The following SNX29 variants were observed in gnomAD, a reference collection of about 807,000 sequenced individuals.
The protein encoded by SNX29 is sorting nexin 29, also known as sorting nexin-29.
SNX29 carries 78 observed loss-of-function variants against 102.1 expected under a neutral mutation model. The observed-to-expected ratio is 0.76, with a 90% CI of 0.64 to 0.92. SNX29 has a LOEUF of 0.92. Ranked by LOEUF, SNX29 falls within the 40% of genes least tolerant of loss-of-function variation. The pLI, the probability that SNX29 is intolerant of heterozygous loss-of-function variation, is 0.00. For synonymous variants in SNX29, 580 were observed against 414.5 expected, an observed-to-expected ratio of 1.40 and a Z score of -4.85; for missense variants, 1,280 against 1,061.7, an observed-to-expected ratio of 1.21 and a Z score of -2.86.
chr16:12,505,268 T>A (rs920143184), intron 19 of SNX29, among the ~76,000 whole-genome samples: 12 of 152,290 alleles, frequency 7.9e-5, no homozygotes, highest in African/African-American at 2.6e-4. Flanking sequence ...ACAAACTGGG[T>A]GGTTTACAAA....
intron 14 of SNX29, among the ~76,000 whole-genome samples, chr16:12,209,837 C>T (rs1005473655): frequency 6.6e-6 from 1 of 152,218 alleles, no homozygotes; most frequent in African/African-American, 2.4e-5. Flanking sequence ...CTTTAGGACA[C>T]TGGCCCTCTG....
chr16:12,280,730 T>G (rs944458867), intron 15 of SNX29, among the ~76,000 whole-genome samples: 1 of 152,236 alleles, frequency 6.6e-6, no homozygotes, highest in African/African-American at 2.4e-5. Context: ...CCAATACTTT[T>G]GCTGTTAATC....
In SNX29 at chr16:12,110,242, T is replaced by G. The variant is rs150305436; in HGVS notation, c.1403-16391T>G. Among the ~76,000 whole-genome samples, 203 of 152,244 alleles carry G rather than the reference T, an allele frequency of 1.3e-3. 4 individuals are homozygous for G. The East Asian group carries it at 0.033, about 25-fold the overall frequency. ...TGGAGATACTTTCCCCTGAAGCTCCTGAGGCAGGAGAGAGGTGGAAGCATC... is the reference window on the plus strand; with the variant it reads ...TGGAGATACTTTCCCCTGAAGCTCCGGAGGCAGGAGAGAGGTGGAAGCATC... On this transcript the variant is annotated intron_variant, in intron 11 of 20. Coordinates refer to ENST00000566228, the MANE Select transcript of SNX29 (RefSeq NM_032167.5).
intron 8 of SNX29, among the ~76,000 whole-genome samples, chr16:12,058,537 A>G (rs1196297717): frequency 2.6e-5 from 3 of 116,964 alleles, no homozygotes; most frequent in African/African-American, 3.4e-5. Flanking sequence ...TCTGTCACCC[A>G]GGCTGGAGTG....
At chr16:12,269,865 T>C (rs961010485) in intron 14 of SNX29, among the ~76,000 whole-genome samples, 133 of 151,554 alleles carry the variant, frequency 8.8e-4, no homozygotes, top group African/African-American at 2.5e-3. Context: ...TCATCATTAT[T>C]ATTATTATTA....
At chr16:12,498,994 T>A (rs2088970543) in intron 19 of SNX29, among the ~76,000 whole-genome samples, 1 of 152,170 alleles carries the variant, frequency 6.6e-6, no homozygotes, top group East Asian at 1.9e-4. Context: ...GACAGCTGCA[T>A]AAATCTTTTT....
intron 20 of SNX29, among the ~76,000 whole-genome samples, chr16:12,533,117 C>T (rs749262337): frequency 1.3e-5 from 2 of 152,246 alleles, no homozygotes; most frequent in African/African-American, 2.4e-5. Flanking sequence ...TTCAACTCGA[C>T]AGCTCTGCTT....
intron 14 of SNX29, among the ~76,000 whole-genome samples, chr16:12,240,114 A>ATG (rs2078057412): frequency 6.6e-6 from 1 of 152,200 alleles, no homozygotes; most frequent in Admixed American, 6.5e-5. Context: ...CGGCCGCATG[A>ATG]TGTCTCTGTT....
chr16:12,055,993 T>C (rs56325311), intron 8 of SNX29, among the ~76,000 whole-genome samples: 60,145 of 152,004 alleles, frequency 0.4, 12,506 homozygotes, highest in Middle Eastern at 0.51. Flanking sequence ...GCGATTCTCC[T>C]GCCTCAGCCT....
In SNX29 at chr16:12,573,775, G is replaced by A. The variant is rs375762095; in HGVS notation, c.*5146G>A. On this transcript the variant is annotated 3_prime_UTR_variant, in exon 21 of 21. Transcript: ENST00000566228. ...CTACTAAACGCTCAGTGACCCCAGA[G>A]ACCATTAATTTCCCGGAGTGAAGGG... The A allele has an allele frequency of 9.0e-6, 2 of 222,742 alleles. No homozygotes were observed. Among genetic ancestry groups the A allele is most frequent in the African/African-American group, 2.2e-5 (1 of 44,706 alleles). The allele number at this position is 222,742 out of a possible 1,614,324, so 13.8% of individuals were successfully genotyped here.
intron 4 of SNX29, among the ~76,000 whole-genome samples, chr16:12,041,711 C>T (rs1457852367): frequency 6.6e-6 from 1 of 152,162 alleles, no homozygotes; most frequent in African/African-American, 2.4e-5. Flanking sequence ...TCTCTGCCTG[C>T]CTCTTATGAA....
At chr16:12,500,500 G>T (rs2089064368) in intron 19 of SNX29, among the ~76,000 whole-genome samples, 1 of 152,240 alleles carries the variant, frequency 6.6e-6, no homozygotes, top group Non-Finnish European at 1.5e-5. Context: ...ACCCCATGCC[G>T]TTATGTGGAT....
chr16:12,309,604 C>T (rs886183224), intron 15 of SNX29, among the ~76,000 whole-genome samples: 2 of 152,184 alleles, frequency 1.3e-5, no homozygotes, highest in African/African-American at 4.8e-5. Context: ...CCCAATGTGG[C>T]ACCTGTCGTC....
chr16:12,538,664 C>G (rs1019067689), intron 20 of SNX29, among the ~76,000 whole-genome samples: 1 of 152,150 alleles, frequency 6.6e-6, no homozygotes, highest in African/African-American at 2.4e-5. Context: ...GAAAGATCCA[C>G]AGATCTTTCA....
At chr16:12,168,014 C>T (rs2076056892) in intron 13 of SNX29, among the ~76,000 whole-genome samples, 1 of 152,190 alleles carries the variant, frequency 6.6e-6, no homozygotes, top group Non-Finnish European at 1.5e-5. Context: ...GCTGCGCTGG[C>T]TCTCAAGGAA....
chr16:12,188,457 A>G (rs991520645), intron 13 of SNX29, among the ~76,000 whole-genome samples: 7 of 152,166 alleles, frequency 4.6e-5, no homozygotes, highest in Non-Finnish European at 8.8e-5. Flanking sequence ...AGCTTATGTA[A>G]GTTTTGAGTG....
chr16:12,355,309 T>G (rs1317702717), intron 15 of SNX29, among the ~76,000 whole-genome samples: 2 of 152,156 alleles, frequency 1.3e-5, no homozygotes, highest in Non-Finnish European at 2.9e-5. Context: ...CCACAGAGCT[T>G]CTCCCTGTAT....
In SNX29 at chr16:12,569,640, AGAG is replaced by A. The variant is rs1483014426; in HGVS notation, c.*1012_*1014del. On this transcript the variant is annotated 3_prime_UTR_variant, in exon 21 of 21. Transcript: ENST00000566228. ...AACAGAACTCTGCATCCCCTAAGAC[AGAG>A]TCCTCTGTTCCTCCCATGTCAGGTG... is the stretch of plus-strand genomic sequence containing the variant. The A allele has an allele frequency of 4.3e-4, 40 of 93,990 alleles. No homozygotes were observed. The African/African-American group carries it at 5.1e-3, about 12-fold the overall frequency. The allele number at this position is 93,990 out of a possible 1,614,324, so 5.8% of individuals were successfully genotyped here. A position where few individuals can be genotyped will look rare whatever the true frequency, so the allele number is the denominator to read the frequency against.
intron 4 of SNX29, among the ~76,000 whole-genome samples, chr16:12,032,533 A>G (rs1321852639): frequency 2.0e-5 from 3 of 152,016 alleles, no homozygotes; most frequent in Non-Finnish European, 4.4e-5. Flanking sequence ...TAAAGGCTGA[A>G]CAATATTTTT....
Sources: gnomAD v4.1 joint callset for allele counts (sites outside exome capture counted in the v4.1 genomes callset) on GRCh38, gnomAD v4.1.1 for gene constraint, MANE v1.5 for transcripts, NCBI Gene and HGNC (gene_info 2026-07-23, HGNC 2026-07-21) for gene names.